Variants in ZMYND11 observed in about 807,000 individuals in gnomAD.
ZMYND11 encodes zinc finger MYND-type containing 11.
In ZMYND11, 9 loss-of-function variants were observed where a neutral mutation model predicts 84.9. That is an observed-to-expected ratio of 0.11 (90% confidence interval 0.06 to 0.18). The LOEUF (loss-of-function observed/expected upper bound fraction) is 0.18, where lower values mean the gene tolerates loss of function less well. Among genes scored for constraint, ZMYND11 ranks in the 10% least tolerant of loss-of-function variants. The pLI is 1.00. For missense variants in ZMYND11, 409 were observed against 761.0 expected, an observed-to-expected ratio of 0.54 and a Z score of 5.44; for synonymous variants, 250 against 244.1, an observed-to-expected ratio of 1.02 and a Z score of -0.23.
chr10:182,950 C>T (rs1848187164), intron 2 of ZMYND11, among the ~76,000 whole-genome samples: 1 of 152,150 alleles, frequency 6.6e-6, no homozygotes, highest in Non-Finnish European at 1.5e-5. Context: ...ATCTTTTAAA[C>T]TTTGCAGATA....
intron 2 of ZMYND11, among the ~76,000 whole-genome samples, chr10:194,515 G>C (rs989995231): frequency 1.1e-4 from 17 of 152,204 alleles, no homozygotes; most frequent in Non-Finnish European, 5.9e-5. Context: ...TATCCAAAGT[G>C]ACTGTTTTAC....
intron 2 of ZMYND11, among the ~76,000 whole-genome samples, chr10:189,493 G>T (rs1461311202): frequency 6.6e-6 from 1 of 152,148 alleles, no homozygotes; most frequent in Non-Finnish European, 1.5e-5. Context: ...AGAATTGCCT[G>T]TTGTATTCTC....
intron 4 of ZMYND11, among the ~76,000 whole-genome samples, chr10:230,697 T>C (rs959822370): frequency 3.9e-5 from 6 of 152,150 alleles, no homozygotes; most frequent in Admixed American, 6.5e-5. Context: ...ACATCAGAAA[T>C]AAAATTATTT....
intron 3 of ZMYND11, 46 bp from the exon 4 acceptor site, chr10:221,149 G>C: frequency 6.4e-7 from 1 of 1,562,896 alleles, no homozygotes; most frequent in Non-Finnish European, 8.8e-7. Flanking sequence ...AGTCATTGCA[G>C]ATATTGACAA....
At chr10:153,344 TC>T (rs1335057216) in intron 1 of ZMYND11, among the ~76,000 whole-genome samples, 2 of 152,184 alleles carry the variant, frequency 1.3e-5, no homozygotes, top group African/African-American at 4.8e-5. Context: ...TAACATATCA[TC>T]TGTTTCTTCA....
intron 3 of ZMYND11, 107 bp downstream of exon 3, chr10:210,155 T>G (rs1266342323): frequency 8.0e-7 from 1 of 1,257,108 alleles, no homozygotes; most frequent in Non-Finnish European, 1.1e-6. Flanking sequence ...ATATTTCATT[T>G]TAACATTTGT....
chr10:209,839 T>C (rs1466198011), intron 2 of ZMYND11, 50 bp from the exon 3 acceptor site: 1 of 1,523,116 alleles, frequency 6.6e-7, no homozygotes, highest in East Asian at 2.3e-5. Context: ...CATTCATTTT[T>C]AGTTTTCAGT....
chr10:132,163 T>C (rs1038893660), upstream of ZMYND11, among the ~76,000 whole-genome samples: 4 of 151,752 alleles, frequency 2.6e-5, no homozygotes, highest in African/African-American at 7.3e-5. Flanking sequence ...TCAAAGAACA[T>C]TGTATAGTCT....
intron 1 of ZMYND11, among the ~76,000 whole-genome samples, chr10:156,933 G>A (rs139094359): frequency 4.5e-4 from 69 of 152,284 alleles, no homozygotes; most frequent in African/African-American, 1.6e-3. Flanking sequence ...GGCAGTATAG[G>A]CTGTCTTATG....
At position 248,184 on chromosome 10, in the gene ZMYND11, C is replaced by T. The variant is rs577814058; in HGVS notation, c.1228-152C>T. The T allele has an allele frequency of 5.5e-4, 482 of 872,302 alleles. 1 individual carries two copies. The African/African-American group carries it at 7.1e-3, about 13-fold the overall frequency. 54.0% of individuals were successfully genotyped at this position (872,302 alleles called of 1,614,324 possible). ...TATTTTTAAATTGTGGCAAAATATA[C>T]GTGACATCTACCACCCTAACTACAT... On this transcript the variant is annotated intron_variant, in intron 12 of 14. Transcript: ENST00000381604.
chr10:138,875 G>A (rs1455317554), intron 1 of ZMYND11, among the ~76,000 whole-genome samples: 1 of 151,934 alleles, frequency 6.6e-6, no homozygotes, highest in Non-Finnish European at 1.5e-5. Context: ...ACTCACTCTC[G>A]CTCTGTCGCC....
At chr10:132,509 C>T (rs77178287), upstream of ZMYND11, among the ~76,000 whole-genome samples, 31,834 of 151,880 alleles carry the variant, frequency 0.21, 3,876 homozygotes, top group South Asian at 0.34. Flanking sequence ...GAGGGCTGCC[C>T]CGCAGCAGGA....
chr10:158,882 C>G (rs1457814482), intron 1 of ZMYND11, among the ~76,000 whole-genome samples: 1 of 151,162 alleles, frequency 6.6e-6, no homozygotes, highest in Non-Finnish European at 1.5e-5. Flanking sequence ...CTGTTCAGAT[C>G]CTTTATCCAT....
chr10:165,626 G>A (rs1051522621), intron 1 of ZMYND11, among the ~76,000 whole-genome samples: 12 of 151,946 alleles, frequency 7.9e-5, no homozygotes, highest in African/African-American at 2.7e-4. Flanking sequence ...TAACACCCTG[G>A]GAAAACCGGA....
At chr10:140,872 G>C (rs1238130641) in intron 1 of ZMYND11, among the ~76,000 whole-genome samples, 1 of 152,180 alleles carries the variant, frequency 6.6e-6, no homozygotes, top group Non-Finnish European at 1.5e-5. Flanking sequence ...CAAATGTCCA[G>C]AGTGTTTGCT....
At chr10:242,891 G>A (rs994770465) in intron 10 of ZMYND11, among the ~76,000 whole-genome samples, 3 of 152,096 alleles carry the variant, frequency 2.0e-5, no homozygotes, top group African/African-American at 7.2e-5. Flanking sequence ...AGGTAGTTCT[G>A]TTCTTTCATA....
At chr10:237,533 T>G in intron 5 of ZMYND11, 52 bp from the exon 6 acceptor site, 1 of 1,144,240 alleles carries the variant, frequency 8.7e-7, no homozygotes, top group Non-Finnish European at 1.3e-6. Context: ...AATTGATGTC[T>G]TACCTGCCTT....
chr10:166,050 C>T (rs186022645), intron 1 of ZMYND11, among the ~76,000 whole-genome samples: 293 of 152,090 alleles, frequency 1.9e-3, no homozygotes, highest in Admixed American at 3.1e-3. Flanking sequence ...ACTTGATTTC[C>T]ACATGTACAA....
intron 1 of ZMYND11, among the ~76,000 whole-genome samples, chr10:156,915 T>G (rs1172194061): frequency 6.6e-6 from 1 of 152,212 alleles, no homozygotes; most frequent in African/African-American, 2.4e-5. Context: ...CACTGGTATT[T>G]GAGGATTGGC....
Sources: gnomAD v4.1 joint callset for allele counts (sites outside exome capture counted in the v4.1 genomes callset) on GRCh38, gnomAD v4.1.1 for gene constraint, MANE v1.5 for transcripts, NCBI Gene and HGNC (gene_info 2026-07-23, HGNC 2026-07-21) for gene names.